Variants in WWOX observed in about 807,000 individuals in gnomAD.
WWOX encodes the protein WW domain-containing oxidoreductase.
In WWOX, 69 loss-of-function variants were observed where a neutral mutation model predicts 46.2. The observed-to-expected ratio is 1.49, with a 90% CI of 1.23 to 1.82. The LOEUF is 1.82. Ranked by LOEUF, WWOX falls within the 40% of genes most tolerant of loss-of-function variation. WWOX has a pLI of 0.00. For missense variants in WWOX, 919 were observed against 542.6 expected (o/e 1.69, Z -6.89); for synonymous variants, 359 against 202.6 (o/e 1.77, Z -6.56).
intron 6 of WWOX, among the ~76,000 whole-genome samples, chr16:78,389,192 C>T (rs2082125152): frequency 6.6e-6 from 1 of 152,194 alleles, no homozygotes; most frequent in African/African-American, 2.4e-5. Flanking sequence ...TAGTAGCTTC[C>T]ACCCTTTGCC....
At chr16:78,916,741 T>C (rs889276198) in intron 8 of WWOX, among the ~76,000 whole-genome samples, 14 of 152,200 alleles carry the variant, frequency 9.2e-5, no homozygotes, top group Admixed American at 9.2e-4. Context: ...CTAAACTAAG[T>C]GTCTGATAAA....
At chr16:79,012,842 G>T (rs547391226) in intron 8 of WWOX, among the ~76,000 whole-genome samples, 20 of 152,176 alleles carry the variant, frequency 1.3e-4, no homozygotes, top group Non-Finnish European at 2.2e-4. Flanking sequence ...AACATGGCCC[G>T]TGGCAGACTG....
chr16:79,143,234 T>A (rs2050123577), intron 8 of WWOX, among the ~76,000 whole-genome samples: 1 of 152,174 alleles, frequency 6.6e-6, no homozygotes, highest in Non-Finnish European at 1.5e-5. Flanking sequence ...TGCTTCCCCC[T>A]CCTGGATGAA....
At chr16:79,103,578 C>G (rs11866236) in intron 8 of WWOX, among the ~76,000 whole-genome samples, 1 of 152,134 alleles carries the variant, frequency 6.6e-6, no homozygotes, top group Admixed American at 6.5e-5. Context: ...TTATTCCATA[C>G]TATCTGATTC....
chr16:78,412,440 T>A (rs902524765), intron 6 of WWOX, among the ~76,000 whole-genome samples: 1 of 152,170 alleles, frequency 6.6e-6, no homozygotes, highest in Non-Finnish European at 1.5e-5. Flanking sequence ...TTTGAAGTCT[T>A]CATGGCGATT....
In WWOX at chr16:78,241,688, C is replaced by T. The variant is rs543218327; in HGVS notation, c.516+77399C>T. ...CTCCTCAGCTCAAATGATCTGCCCA[C>T]CTCGGCTTCCCAAAGTGTTGGGATT... is the stretch of plus-strand genomic sequence containing the variant. On this transcript the variant is annotated intron_variant, in intron 5 of 8. Transcript: ENST00000566780. 7.9e-5 allele frequency among the ~76,000 whole-genome samples: 12 copies of T among 152,296 alleles called. No homozygotes were observed. The East Asian group carries it at 2.3e-3, about 29-fold the overall frequency.
chr16:78,714,682 C>A (rs187676289), intron 8 of WWOX, among the ~76,000 whole-genome samples: 8 of 152,242 alleles, frequency 5.3e-5, no homozygotes, highest in Admixed American at 2.0e-4. Flanking sequence ...TAGTAAGAAG[C>A]AGTGTAGCAT....
chr16:78,925,588 G>T (rs187830335), intron 8 of WWOX, among the ~76,000 whole-genome samples: 23 of 152,326 alleles, frequency 1.5e-4, no homozygotes, highest in African/African-American at 3.8e-4. Context: ...TAGTATTACA[G>T]GGAGGAGATG....
At chr16:78,403,656 C>A (rs2082462558) in intron 6 of WWOX, among the ~76,000 whole-genome samples, 1 of 152,152 alleles carries the variant, frequency 6.6e-6, no homozygotes, top group Admixed American at 6.5e-5. Context: ...TACCAGTCAT[C>A]CCCCCTGTGC....
chr16:79,140,520 A>G (rs1251118140), intron 8 of WWOX, among the ~76,000 whole-genome samples: 1 of 152,232 alleles, frequency 6.6e-6, no homozygotes, highest in Non-Finnish European at 1.5e-5. Flanking sequence ...GAAAATCAGC[A>G]GAAAACAATG....
intron 8 of WWOX, among the ~76,000 whole-genome samples, chr16:79,178,806 C>T (rs1226651565): frequency 1.3e-5 from 2 of 152,078 alleles, no homozygotes; most frequent in Admixed American, 6.5e-5. Flanking sequence ...AATTTTTTTC[C>T]TCTTTGCTTT....
rs9938972 is a variant in WWOX at position 79,167,101 on chromosome 16, C to T, written c.1057-44507C>T. Reference sequence around the variant, plus strand: ...GATTACAGGTGTGTGCTACCACGGCCGGCTAATTTTTTTGTATTTTATTAG... The same window carrying T: ...GATTACAGGTGTGTGCTACCACGGCTGGCTAATTTTTTTGTATTTTATTAG... On this transcript the variant is annotated intron_variant, in intron 8 of 8. Coordinates refer to ENST00000566780, the MANE Select transcript of WWOX (RefSeq NM_016373.4). Among the ~76,000 whole-genome samples, 15 of 152,100 alleles carry T rather than the reference C, an allele frequency of 9.9e-5. No individual in the cohort carries two copies. In the East Asian group the frequency reaches 1.7e-3, roughly 18 times the overall value.
At chr16:79,107,830 C>A (rs1407736556) in intron 8 of WWOX, among the ~76,000 whole-genome samples, 1 of 152,080 alleles carries the variant, frequency 6.6e-6, no homozygotes, top group Non-Finnish European at 1.5e-5. Flanking sequence ...TTAAAATAGC[C>A]ATAATGTCTA....
chr16:78,622,686 GGA>G (rs35498303), intron 8 of WWOX, among the ~76,000 whole-genome samples: 109,654 of 151,346 alleles, frequency 0.72, 39,901 homozygotes, highest in African/African-American at 0.77. Context: ...GTGGGATATG[GGA>G]GACTTACTTC....
intron 8 of WWOX, among the ~76,000 whole-genome samples, chr16:78,933,956 C>G (rs1009790963): frequency 6.6e-6 from 1 of 152,032 alleles, no homozygotes; most frequent in African/African-American, 2.4e-5. Flanking sequence ...CTTTGGGAGG[C>G]CAAGGTGGGA....
intron 5 of WWOX, among the ~76,000 whole-genome samples, chr16:78,174,269 G>A (rs574157463): frequency 6.6e-6 from 1 of 152,300 alleles, no homozygotes; most frequent in African/African-American, 2.4e-5. Context: ...GTGTCAGCAA[G>A]AGAAAAATGA....
At chr16:79,008,897 A>C (rs1167530588) in intron 8 of WWOX, among the ~76,000 whole-genome samples, 1 of 152,208 alleles carries the variant, frequency 6.6e-6, no homozygotes, top group African/African-American at 2.4e-5. Context: ...AGCAGCGCAC[A>C]CACACAAAGG....
intron 8 of WWOX, among the ~76,000 whole-genome samples, chr16:78,972,924 G>A (rs1347878677): frequency 6.6e-6 from 1 of 152,128 alleles, no homozygotes; most frequent in Admixed American, 6.5e-5. Context: ...CCTCCCGACC[G>A]AAGGGCTGAG....
At chr16:78,685,722 C>A (rs997023858) in intron 8 of WWOX, among the ~76,000 whole-genome samples, 1 of 152,114 alleles carries the variant, frequency 6.6e-6, no homozygotes, top group Non-Finnish European at 1.5e-5. Flanking sequence ...GAAATTATTC[C>A]GACAGTTGCC....
Sources: gnomAD v4.1 joint callset for allele counts (sites outside exome capture counted in the v4.1 genomes callset) on GRCh38, gnomAD v4.1.1 for gene constraint, MANE v1.5 for transcripts, NCBI Gene and HGNC (gene_info 2026-07-23, HGNC 2026-07-21) for gene names.